The following TMEFF2 variants were observed in gnomAD, a reference collection of about 807,000 sequenced individuals.
TMEFF2 encodes transmembrane protein with EGF like and two follistatin like domains 2, also known as tomoregulin-2.
Under a neutral mutation model 53.8 loss-of-function variants are expected in TMEFF2, and 28 were observed. The observed-to-expected ratio is 0.52, with a 90% CI of 0.39 to 0.71. TMEFF2 has a LOEUF of 0.71. Among genes scored for constraint, TMEFF2 ranks in the 30% least tolerant of loss-of-function variants. The pLI is 0.00. For missense variants in TMEFF2, 353 were observed against 455.2 expected (o/e 0.78, Z 2.04); for synonymous variants, 162 against 166.3 (o/e 0.97, Z 0.20).
At chr2:191,965,991 A>T (rs997034389) in intron 7 of TMEFF2, among the ~76,000 whole-genome samples, 1 of 46,918 alleles carries the variant, frequency 2.1e-5, no homozygotes, top group Non-Finnish European at 6.6e-5. Context: ...TTGATTTAAG[A>T]AAAAAAAAAA....
chr2:192,094,667 G>GA (rs1476095684), intron 4 of TMEFF2, among the ~76,000 whole-genome samples: 1 of 152,142 alleles, frequency 6.6e-6, no homozygotes, highest in African/African-American at 2.4e-5. Flanking sequence ...TATGTGATCA[G>GA]AGATCATGTT....
intron 7 of TMEFF2, among the ~76,000 whole-genome samples, chr2:191,973,943 T>C (rs1037914454): frequency 2.0e-5 from 3 of 152,194 alleles, no homozygotes; most frequent in African/African-American, 7.2e-5. Flanking sequence ...GTAAGTTTCC[T>C]GAGGCCTCCC....
intron 4 of TMEFF2, among the ~76,000 whole-genome samples, chr2:192,081,252 G>A (rs189460774): frequency 1.3e-5 from 2 of 152,184 alleles, no homozygotes; most frequent in African/African-American, 4.8e-5. Flanking sequence ...TAGTCTTGAA[G>A]ATTTCTCTGA....
At chr2:192,161,042 AG>A (rs1254954822) in intron 4 of TMEFF2, among the ~76,000 whole-genome samples, 2 of 152,260 alleles carry the variant, frequency 1.3e-5, no homozygotes, top group East Asian at 3.9e-4. Context: ...GCTCACCCTA[AG>A]GAAGTGGGGA....
At chr2:191,975,735 T>A (rs549705202) in intron 7 of TMEFF2, among the ~76,000 whole-genome samples, 1 of 152,314 alleles carries the variant, frequency 6.6e-6, no homozygotes, top group Admixed American at 6.5e-5. Flanking sequence ...GGGATCTTCA[T>A]CTGAGATTTG....
At chr2:191,980,934 A>C (rs920984070) in intron 7 of TMEFF2, among the ~76,000 whole-genome samples, 1 of 151,978 alleles carries the variant, frequency 6.6e-6, no homozygotes, top group Admixed American at 6.6e-5. Context: ...TATCTCCTAA[A>C]TCCAACTAAA....
At chr2:192,057,553 C>A in intron 5 of TMEFF2, 126 bp downstream of exon 5, 5 of 818,932 alleles carry the variant, frequency 6.1e-6, no homozygotes, top group African/African-American at 1.8e-5. Flanking sequence ...TTTTTTTTTT[C>A]ACTTGGGAAC....
At chr2:192,180,476 T>C (rs1019665045) in intron 3 of TMEFF2, among the ~76,000 whole-genome samples, 1 of 151,682 alleles carries the variant, frequency 6.6e-6, no homozygotes, top group Non-Finnish European at 1.5e-5. Context: ...CTTCTGCTTC[T>C]TAAGTGTAGA....
chr2:192,172,056 T>C (rs1218540640), intron 4 of TMEFF2, among the ~76,000 whole-genome samples: 2 of 151,962 alleles, frequency 1.3e-5, no homozygotes, highest in African/African-American at 4.8e-5. Flanking sequence ...TGAAGAGAGC[T>C]GCCTGGCCCA....
chr2:192,068,069 TAG>T (rs1688206618), intron 4 of TMEFF2, among the ~76,000 whole-genome samples: 1 of 151,864 alleles, frequency 6.6e-6, no homozygotes, highest in African/African-American at 2.4e-5. Flanking sequence ...CGAAAAAAAG[TAG>T]AGTTGGGTTG....
chr2:192,111,849 GC>G (rs1689285170), intron 4 of TMEFF2, among the ~76,000 whole-genome samples: 1 of 152,210 alleles, frequency 6.6e-6, no homozygotes, highest in South Asian at 2.1e-4. Context: ...GCTAAAAGGG[GC>G]CAAGGTACAA....
chr2:191,963,344 G>A (rs1692325085), intron 7 of TMEFF2, among the ~76,000 whole-genome samples: 1 of 152,066 alleles, frequency 6.6e-6, no homozygotes, highest in Non-Finnish European at 1.5e-5. Flanking sequence ...GTTAATCCAG[G>A]CATCCTTTCT....
At chr2:192,174,294 A>T (rs1454795532) in intron 4 of TMEFF2, among the ~76,000 whole-genome samples, 1 of 151,398 alleles carries the variant, frequency 6.6e-6, no homozygotes. Context: ...CTACTGGAAG[A>T]AAAAAAAAGT....
At chr2:192,193,757 T>G (rs7584509) in intron 1 of TMEFF2, among the ~76,000 whole-genome samples, 7,903 of 26,342 alleles carry the variant, frequency 0.3, 772 homozygotes, top group Non-Finnish European at 0.41. Context: ...GAGAGATAGA[T>G]AGATAGAGAG....
intron 4 of TMEFF2, among the ~76,000 whole-genome samples, chr2:192,151,122 C>G (rs1243972281): frequency 1.3e-5 from 2 of 151,822 alleles, no homozygotes; most frequent in Non-Finnish European, 2.9e-5. Context: ...TGCTCACTCT[C>G]TCTCATCTGC....
chr2:191,954,172 C>A (rs1282250525), intron 8 of TMEFF2, among the ~76,000 whole-genome samples: 1 of 152,126 alleles, frequency 6.6e-6, no homozygotes, highest in East Asian at 1.9e-4. Context: ...CAGGCGTGAG[C>A]CACCGCGCCC....
intron 4 of TMEFF2, among the ~76,000 whole-genome samples, chr2:192,143,739 G>A (rs141696180): frequency 5.9e-4 from 90 of 152,044 alleles, no homozygotes; most frequent in African/African-American, 1.8e-3. Context: ...ACACATTTTC[G>A]TTAACTTCTG....
intron 5 of TMEFF2, chr2:192,044,653 G>A (rs1291828472): frequency 6.6e-6 from 1 of 152,300 alleles, no homozygotes; most frequent in African/African-American, 2.4e-5. Context: ...AATGGTGCTT[G>A]AAGTGTCAGT....
At chr2:192,177,935 AC>A (rs1311711531) in intron 4 of TMEFF2, 2 of 151,106 alleles carry the variant, frequency 1.3e-5, no homozygotes, top group Non-Finnish European at 3.0e-5. Context: ...AGTATGTGAA[AC>A]AAAGTTCACA....
Sources: allele counts gnomAD v4.1 joint callset (sites outside exome capture counted in the v4.1 genomes callset), GRCh38; gene constraint gnomAD v4.1.1; transcripts MANE v1.5; gene names NCBI Gene and HGNC (gene_info 2026-07-23, HGNC 2026-07-21).